UVRAG: variants seen among roughly 807,000 people sequenced by gnomAD.
UVRAG encodes the protein UV radiation resistance associated, also known as UV radiation resistance-associated gene protein.
In UVRAG, 19 loss-of-function variants were observed where a neutral mutation model predicts 78.0. The ratio of observed to expected loss-of-function variants is 0.24; its 90% CI spans 0.17 to 0.36. The LOEUF (loss-of-function observed/expected upper bound fraction) is 0.36, where lower values mean the gene tolerates loss of function less well. Among genes scored for constraint, UVRAG ranks in the 10% least tolerant of loss-of-function variants. UVRAG has a pLI of 1.00. For missense variants in UVRAG, 740 were observed against 853.8 expected, an observed-to-expected ratio of 0.87 and a Z score of 1.66; for synonymous variants, 323 against 324.6, an observed-to-expected ratio of 1.00 and a Z score of 0.05.
At position 76,092,449 on chromosome 11, in the gene UVRAG, C is replaced by G. The variant is rs563861459; in HGVS notation, c.1306-23475C>G. 5.3e-5 allele frequency among the ~76,000 whole-genome samples: 8 copies of G among 152,292 alleles called. No individual in the cohort carries two copies. The South Asian group carries it at 1.7e-3, about 32-fold the overall frequency. ...CAATGGTTGAACTAGTTTACAGTCC[C>G]ACCAACAGTGTAAAAGCATTCCTAT... is the stretch of plus-strand genomic sequence containing the variant. On this transcript the variant is annotated intron_variant, in intron 13 of 14. Coordinates refer to ENST00000356136, the MANE Select transcript of UVRAG (RefSeq NM_003369.4).
At chr11:75,866,327 C>T (rs1946537807) in intron 3 of UVRAG, among the ~76,000 whole-genome samples, 1 of 151,488 alleles carries the variant, frequency 6.6e-6, no homozygotes, top group African/African-American at 2.4e-5. Context: ...TGAGATCAGC[C>T]TGGGCAAGAT....
At chr11:75,932,026 G>A (rs1390991603) in intron 6 of UVRAG, among the ~76,000 whole-genome samples, 3 of 147,848 alleles carry the variant, frequency 2.0e-5, no homozygotes, top group Non-Finnish European at 4.4e-5. Context: ...TGGATGGTTT[G>A]TCTTTTTTTT....
intron 6 of UVRAG, among the ~76,000 whole-genome samples, chr11:75,954,526 A>G (rs1226458342): frequency 6.6e-6 from 1 of 152,160 alleles, no homozygotes; most frequent in Non-Finnish European, 1.5e-5. Flanking sequence ...TGTGATTTTT[A>G]TTTTGATACA....
chr11:75,912,102 T>C lies in UVRAG; in HGVS notation c.593+63T>C. 4 of 1,239,188 alleles carry C rather than the reference T, an allele frequency of 3.2e-6. No individual in the cohort carries two copies. In the Admixed American group the frequency reaches 7.4e-5, roughly 23 times the overall value. 76.8% of individuals were successfully genotyped at this position (1,239,188 alleles called of 1,614,324 possible). On this transcript the variant is annotated intron_variant, in intron 6 of 14. Transcript: ENST00000356136. Reference sequence around the variant, plus strand: ...TCTTTCTCATTTTGAGTTTGTGACATTTCAATGTGAGAAAATTAACGGAAG... The same window carrying C: ...TCTTTCTCATTTTGAGTTTGTGACACTTCAATGTGAGAAAATTAACGGAAG...
rs150215584 is a variant in UVRAG, at chr11:76,011,097, G to A, written c.1060+2230G>A. 2.6e-5 allele frequency among the ~76,000 whole-genome samples: 4 copies of A among 152,146 alleles called. No individual in the cohort carries two copies. The East Asian group carries it at 5.8e-4, about 22-fold the overall frequency. On this transcript the variant is annotated intron_variant, in intron 11 of 14. Transcript: ENST00000356136. ...TTTCTTTGAAATTCCTTGTCTCCTA[G>A]TTTTTCATAGCTTTTGTAGTTATCT...
chr11:75,981,452 GT>G (rs371455744), intron 7 of UVRAG, among the ~76,000 whole-genome samples: 3 of 146,698 alleles, frequency 2.0e-5, no homozygotes, highest in African/African-American at 2.5e-5. Flanking sequence ...TTTTCTTTTC[GT>G]TTTTTTTTTG....
intron 13 of UVRAG, among the ~76,000 whole-genome samples, chr11:76,093,848 A>G (rs1039115529): frequency 6.6e-5 from 10 of 151,966 alleles, no homozygotes; most frequent in Non-Finnish European, 1.3e-4. Flanking sequence ...AATACCCTTT[A>G]TTTCTTTCTC....
intron 1 of UVRAG, among the ~76,000 whole-genome samples, chr11:75,817,460 A>C (rs1945284201): frequency 6.6e-6 from 1 of 152,170 alleles, no homozygotes; most frequent in Non-Finnish European, 1.5e-5. Flanking sequence ...ATAGTGGCTT[A>C]AGTGTACAGC....
chr11:75,874,323 G>C (rs999937003), intron 3 of UVRAG, among the ~76,000 whole-genome samples: 2 of 151,856 alleles, frequency 1.3e-5, no homozygotes, highest in Non-Finnish European at 2.9e-5. Context: ...AAATTCTAGA[G>C]AACTAGATTC....
chr11:75,943,603 T>A (rs1460653222), intron 6 of UVRAG, among the ~76,000 whole-genome samples: 1 of 151,958 alleles, frequency 6.6e-6, no homozygotes, highest in Non-Finnish European at 1.5e-5. Context: ...ATGCGAAGAG[T>A]TGATTATTGT....
chr11:75,870,415 T>A (rs1374244300), intron 3 of UVRAG, among the ~76,000 whole-genome samples: 1 of 152,232 alleles, frequency 6.6e-6, no homozygotes, highest in Non-Finnish European at 1.5e-5. Flanking sequence ...AGAGTATCTA[T>A]CCCTCTTCCT....
At chr11:76,099,436 C>A (rs747393223) in intron 13 of UVRAG, among the ~76,000 whole-genome samples, 9 of 151,856 alleles carry the variant, frequency 5.9e-5, no homozygotes, top group Non-Finnish European at 8.8e-5. Flanking sequence ...TAAAACAGGG[C>A]CTAATCAATA....
Position 75,961,361 on chromosome 11 carries a change from T to G in UVRAG, c.594-83T>G, listed in dbSNP as rs1010194692. 10 of 1,012,174 alleles carry G rather than the reference T, an allele frequency of 9.9e-6. No homozygotes were observed. In the Admixed American group the frequency reaches 1.9e-4, roughly 19 times the overall value. The allele number at this position is 1,012,174 out of a possible 1,614,324, so 62.7% of individuals were successfully genotyped here. A position where few individuals can be genotyped will look rare whatever the true frequency, so the allele number is the denominator to read the frequency against. On this transcript the variant is annotated intron_variant, in intron 6 of 14. Transcript: ENST00000356136. ...AGTTCATTATTAATTCTATGTATCC[T>G]CCAGGTTTGTCATTTATATCTGAGG...
chr11:75,935,394 G>A (rs1565387403), intron 6 of UVRAG, among the ~76,000 whole-genome samples: 1 of 152,188 alleles, frequency 6.6e-6, no homozygotes. Context: ...ATTAGCTATT[G>A]TGTGAATTAT....
intron 1 of UVRAG, among the ~76,000 whole-genome samples, chr11:75,817,480 T>C (rs1945284640): frequency 6.6e-6 from 1 of 152,188 alleles, no homozygotes; most frequent in Non-Finnish European, 1.5e-5. Context: ...CTGAATGCTA[T>C]ATGAGTGCCG....
At chr11:76,088,054 A>G (rs1951622974) in intron 13 of UVRAG, among the ~76,000 whole-genome samples, 1 of 152,126 alleles carries the variant, frequency 6.6e-6, no homozygotes, top group African/African-American at 2.4e-5. Flanking sequence ...GGCATATGCC[A>G]CCACACCTGG....
At chr11:76,044,293 G>A (rs1000745611) in intron 12 of UVRAG, among the ~76,000 whole-genome samples, 21 of 152,316 alleles carry the variant, frequency 1.4e-4, no homozygotes, top group African/African-American at 4.8e-4. Context: ...GGCACAATCA[G>A]CAGTCTCTGT....
intron 1 of UVRAG, among the ~76,000 whole-genome samples, chr11:75,824,924 C>T (rs993891769): frequency 2.6e-5 from 4 of 152,096 alleles, no homozygotes; most frequent in Non-Finnish European, 4.4e-5. Context: ...ACGCCTGCCT[C>T]GGCCTCCCAA....
chr11:76,066,706 C>T (rs1307968444), intron 13 of UVRAG, among the ~76,000 whole-genome samples: 1 of 152,040 alleles, frequency 6.6e-6, no homozygotes, highest in Non-Finnish European at 1.5e-5. Flanking sequence ...CTGCTGACCT[C>T]GTGATCCGCC....
Sources: allele counts gnomAD v4.1 joint callset (sites outside exome capture counted in the v4.1 genomes callset), GRCh38; gene constraint gnomAD v4.1.1; transcripts MANE v1.5; gene names NCBI Gene and HGNC (gene_info 2026-07-23, HGNC 2026-07-21).